ANGPT1: variants seen among roughly 807,000 people sequenced by gnomAD.
ANGPT1 encodes the protein angiopoietin 1.
ANGPT1 carries 17 observed loss-of-function variants against 62.2 expected under a neutral mutation model. That is an observed-to-expected ratio of 0.27 (90% CI 0.19 to 0.41). The LOEUF (loss-of-function observed/expected upper bound fraction) is 0.41. ANGPT1 is among the 10% of genes least tolerant of loss of function. The pLI is 1.00. For synonymous variants in ANGPT1, 199 were observed against 198.9 expected (o/e 1.00, Z 0.00); for missense variants, 478 against 594.9 (o/e 0.80, Z 2.04).
intron 7 of ANGPT1, among the ~76,000 whole-genome samples, chr8:107,281,571 G>A (rs947349540): frequency 1.3e-5 from 2 of 152,098 alleles, no homozygotes; most frequent in African/African-American, 2.4e-5. Context: ...GAGATCAGGA[G>A]ATCGAGTCCA....
At chr8:107,321,035 C>A (rs1295819138) in intron 4 of ANGPT1, among the ~76,000 whole-genome samples, 1 of 152,014 alleles carries the variant, frequency 6.6e-6, no homozygotes, top group African/African-American at 2.4e-5. Context: ...CATCTTCATT[C>A]AGAGAAAGGC....
At chr8:107,366,274 G>C (rs1350001920) in intron 1 of ANGPT1, among the ~76,000 whole-genome samples, 2 of 152,258 alleles carry the variant, frequency 1.3e-5, no homozygotes, top group Middle Eastern at 3.4e-3. Flanking sequence ...CTCTGCTTGT[G>C]CAGACAGGAA....
At chr8:107,444,692 C>A (rs1289015480) in intron 1 of ANGPT1, among the ~76,000 whole-genome samples, 1 of 152,138 alleles carries the variant, frequency 6.6e-6, no homozygotes, top group African/African-American at 2.4e-5. Flanking sequence ...TTAACAGGGA[C>A]TATCTACAGG....
At chr8:107,264,712 C>T (rs1006509372) in intron 7 of ANGPT1, among the ~76,000 whole-genome samples, 2 of 152,118 alleles carry the variant, frequency 1.3e-5, no homozygotes, top group African/African-American at 2.4e-5. Context: ...TGCAGATGTA[C>T]TAAACATTAT....
At chr8:107,348,580 C>G (rs532769649) in intron 1 of ANGPT1, among the ~76,000 whole-genome samples, 74 of 152,114 alleles carry the variant, frequency 4.9e-4, no homozygotes, top group African/African-American at 1.7e-3. Context: ...AAAACAAATA[C>G]AAAATATATT....
chr8:107,494,893 T>C (rs968391931), intron 1 of ANGPT1: 1 of 152,226 alleles, frequency 6.6e-6, no homozygotes, highest in Non-Finnish European at 1.5e-5. Context: ...TTTTGCCAAA[T>C]AAATGGATAA....
At chr8:107,255,914 T>G (rs1813347294) in intron 8 of ANGPT1, among the ~76,000 whole-genome samples, 1 of 152,200 alleles carries the variant, frequency 6.6e-6, no homozygotes, top group South Asian at 2.1e-4. Context: ...AGGTCATCAG[T>G]GCCAACATAT....
intron 1 of ANGPT1, among the ~76,000 whole-genome samples, chr8:107,453,263 CA>C (rs1811824617): frequency 6.6e-6 from 1 of 152,070 alleles, no homozygotes; most frequent in Non-Finnish European, 1.5e-5. Flanking sequence ...TATTCATTTA[CA>C]AAGATGCTCA....
intron 1 of ANGPT1, among the ~76,000 whole-genome samples, chr8:107,442,046 C>T (rs911667609): frequency 1.3e-5 from 2 of 151,952 alleles, no homozygotes; most frequent in Non-Finnish European, 2.9e-5. Flanking sequence ...ATCACGCCAT[C>T]GCACTCCAGC....
At chr8:107,331,393 T>C (rs1366672496) in intron 3 of ANGPT1, among the ~76,000 whole-genome samples, 1 of 152,176 alleles carries the variant, frequency 6.6e-6, no homozygotes, top group Non-Finnish European at 1.5e-5. Flanking sequence ...TAATGACCTA[T>C]ATAGTGACAG....
chr8:107,489,932 G>T (rs900173632), intron 1 of ANGPT1, among the ~76,000 whole-genome samples: 1 of 149,750 alleles, frequency 6.7e-6, no homozygotes, highest in Non-Finnish European at 1.5e-5. Flanking sequence ...TATAGCTTGC[G>T]GTATTAAAAA....
At chr8:107,329,748 C>T (rs1045529177) in intron 3 of ANGPT1, among the ~76,000 whole-genome samples, 1 of 151,522 alleles carries the variant, frequency 6.6e-6, no homozygotes, top group Non-Finnish European at 1.5e-5. Flanking sequence ...TTTCCCAGTT[C>T]CTTATTCATT....
At chr8:107,387,427 A>C (rs1278692426) in intron 1 of ANGPT1, among the ~76,000 whole-genome samples, 1 of 152,114 alleles carries the variant, frequency 6.6e-6, no homozygotes, top group Non-Finnish European at 1.5e-5. Flanking sequence ...TTCTGTGTGC[A>C]CTGCAAAATC....
intron 1 of ANGPT1, among the ~76,000 whole-genome samples, chr8:107,380,359 T>TTGTGTG (rs71308731): frequency 0.014 from 2,074 of 148,780 alleles, 49 homozygotes; most frequent in African/African-American, 0.047. Flanking sequence ...TGCAGGATGT[T>TTGTGTG]TGTGTGTGTG....
intron 2 of ANGPT1, among the ~76,000 whole-genome samples, chr8:107,345,961 T>C (rs1016659985): frequency 1.3e-5 from 2 of 152,190 alleles, no homozygotes; most frequent in Non-Finnish European, 2.9e-5. Context: ...TCCCAGATTT[T>C]ATAAACTAGC....
intron 7 of ANGPT1, among the ~76,000 whole-genome samples, chr8:107,273,262 A>G (rs36018717): frequency 0.13 from 20,024 of 152,068 alleles, 1,365 homozygotes; most frequent in East Asian, 0.26. Flanking sequence ...GGGTAGATAG[A>G]GAGAGGAGAG....
intron 1 of ANGPT1, among the ~76,000 whole-genome samples, chr8:107,406,482 A>C (rs942931766): frequency 2.0e-5 from 3 of 152,122 alleles, no homozygotes; most frequent in African/African-American, 7.2e-5. Flanking sequence ...TCAAGTTATT[A>C]GAAATGACCA....
chr8:107,425,164 C>T lies in ANGPT1; in HGVS notation c.297+72098G>A, dbSNP rs1046691078. 9.8e-5 allele frequency among the ~76,000 whole-genome samples: 15 copies of T among 152,346 alleles called. No individual in the cohort carries two copies. The East Asian group carries it at 2.5e-3, about 25-fold the overall frequency. ...CTGGGATTACAGGCATGAGCCGCTGCACCCAGCCAGAAAGACTATTCTTAA... is the reference window on the plus strand; with the variant it reads ...CTGGGATTACAGGCATGAGCCGCTGTACCCAGCCAGAAAGACTATTCTTAA... On this transcript the variant is annotated intron_variant, in intron 1 of 8. Coordinates refer to ENST00000517746, the MANE Select transcript of ANGPT1 (RefSeq NM_001146.5).
Position 107,264,300 on chromosome 8 carries a change from G to C in ANGPT1, c.1257C>G (p.Ile419Met). The C allele has an allele frequency of 2.5e-6, 4 of 1,614,004 alleles. No individual in the cohort carries two copies. The highest frequency in any genetic ancestry group is 3.4e-6 in the Non-Finnish European group (4 of 1,179,936). Residue 419 changes from isoleucine (I) to methionine (M), a missense_variant, in exon 8 of 9, where the codon ATC (isoleucine) becomes ATG (methionine). This residue lies in a region of ANGPT1 where 19 missense variants were observed against 72.9 expected (regional missense o/e 0.26). Coordinates refer to ENST00000517746, the MANE Select transcript of ANGPT1 (RefSeq NM_001146.5). ...TAGTGCTGAAATCAGCACCGTGTAA[G>C]ATCAGGCTGCTCTGTTTTCCTGCTG... ...TGTAGKQSSLILHGADFSTKD... is the reference protein window; with the variant it reads ...TGTAGKQSSLMLHGADFSTKD...
Sources: allele counts gnomAD v4.1 joint callset (sites outside exome capture counted in the v4.1 genomes callset), GRCh38; gene constraint gnomAD v4.1.1; regional missense constraint gnomAD v4.1.1; transcripts MANE v1.5; gene names NCBI Gene and HGNC (gene_info 2026-07-23, HGNC 2026-07-21).